Variants in AOX1 observed in about 807,000 individuals in gnomAD.
The protein encoded by AOX1 is aldehyde oxidase.
Under a neutral mutation model 169.5 loss-of-function variants are expected in AOX1, and 153 were observed. The observed-to-expected ratio is 0.90, with a 90% CI of 0.79 to 1.03. The LOEUF (loss-of-function observed/expected upper bound fraction) is 1.03, where lower values mean the gene tolerates loss of function less well. Ranked by LOEUF, AOX1 falls within the 50% of genes least tolerant of loss-of-function variation. AOX1 has a pLI of 0.00. For missense variants in AOX1, 1,656 were observed against 1,663.9 expected (o/e 1.00, Z 0.08); for synonymous variants, 562 against 581.9 (o/e 0.97, Z 0.49).
chr2:200,664,582 A>C (rs1015840993), intron 31 of AOX1, among the ~76,000 whole-genome samples: 1 of 152,252 alleles, frequency 6.6e-6, no homozygotes, highest in Non-Finnish European at 1.5e-5. Flanking sequence ...GCATGTTCCT[A>C]TAACTTATTT....
chr2:200,626,936 T>C (rs1574933668), intron 19 of AOX1, among the ~76,000 whole-genome samples: 1 of 152,244 alleles, frequency 6.6e-6, no homozygotes, highest in Non-Finnish European at 1.5e-5. Context: ...GGTGAAGTGA[T>C]AGGCCCACAG....
rs1330723281 is a variant in AOX1 at position 200,670,653 on chromosome 2, T to A, written c.3991T>A (p.Tyr1331Asn). 6.2e-7 allele frequency: 1 copy of A among 1,613,018 alleles called. No homozygotes were observed. The highest frequency in any genetic ancestry group is 8.5e-7 in the Non-Finnish European group (1 of 1,179,580). The change falls in exon 35 of 35, where the codon TAC becomes AAC. Residue 1331 changes from tyrosine (Y) to asparagine (N), a missense_variant. By Grantham distance (143) the Tyr-to-Asn change is moderately radical. Transcript: ENST00000374700. ...KMIPRDEPGSYVPWNVPI is the reference protein window; with the variant it reads ...KMIPRDEPGSNVPWNVPI ...GATTCCGAGAGATGAACCTGGATCC[T>A]ACGTTCCTTGGAATGTACCCATCTG...
intron 26 of AOX1, among the ~76,000 whole-genome samples, chr2:200,651,773 T>G (rs2035584481): frequency 6.6e-6 from 1 of 152,226 alleles, no homozygotes; most frequent in African/African-American, 2.4e-5. Flanking sequence ...GCAGTTTAAT[T>G]TCTTTCATTG....
chr2:200,623,682 T>C lies in AOX1; in HGVS notation c.2002-179T>C, dbSNP rs57880549. ...GCACAAGGATCTAAACTTCCCCCAGTGCCTCGGATCAGGAGGCCAGCTGTG... is the reference window on the plus strand; with the variant it reads ...GCACAAGGATCTAAACTTCCCCCAGCGCCTCGGATCAGGAGGCCAGCTGTG... On this transcript the variant is annotated intron_variant, in intron 18 of 34. Coordinates refer to ENST00000374700, the MANE Select transcript of AOX1 (RefSeq NM_001159.4). 2.6e-3 allele frequency among the ~76,000 whole-genome samples: 395 copies of C among 152,322 alleles called. 1 individual carries two copies. The highest frequency in any genetic ancestry group is 8.5e-3 in the African/African-American group (352 of 41,586).
At chr2:200,656,994 G>C (rs755814803) in intron 27 of AOX1, 57 bp downstream of exon 27, 24 of 1,188,098 alleles carry the variant, frequency 2.0e-5, no homozygotes, top group Non-Finnish European at 2.8e-5. Flanking sequence ...CTGTTCATGA[G>C]AGAAAAACTA....
intron 23 of AOX1, among the ~76,000 whole-genome samples, chr2:200,638,682 T>C (rs1457848210): frequency 6.6e-6 from 1 of 151,814 alleles, no homozygotes; most frequent in Admixed American, 6.6e-5. Context: ...GAAATTGCAA[T>C]TATTTGTAAA....
chr2:200,614,995 C>A (rs867797829), intron 15 of AOX1, among the ~76,000 whole-genome samples: 1 of 126,878 alleles, frequency 7.9e-6, no homozygotes, highest in Non-Finnish European at 1.7e-5. Flanking sequence ...AAAATAATAG[C>A]TTTTGTTGGT....
chr2:200,629,024 C>T (rs1005839582), intron 20 of AOX1, among the ~76,000 whole-genome samples: 1 of 152,206 alleles, frequency 6.6e-6, no homozygotes, highest in African/African-American at 2.4e-5. Context: ...TCCTAAGACA[C>T]ATCCCATCCT....
chr2:200,645,478 T>G (rs1007535521), intron 25 of AOX1, among the ~76,000 whole-genome samples: 1 of 152,198 alleles, frequency 6.6e-6, no homozygotes, highest in Non-Finnish European at 1.5e-5. Flanking sequence ...AGCTAGTATT[T>G]TGTTAAAGAT....
At chr2:200,666,832 G>C (rs2035932400) in intron 32 of AOX1, 80 bp downstream of exon 32, 1 of 931,166 alleles carries the variant, frequency 1.1e-6, no homozygotes, top group Admixed American at 2.3e-5. Flanking sequence ...CATTCCATCA[G>C]TCTTATTCAT....
At position 200,638,251 on chromosome 2, in the gene AOX1, A is replaced by T. The variant is rs770623489; in HGVS notation, c.2517A>T (p.Gly839=). The T allele has an allele frequency of 1.2e-6, 2 of 1,613,760 alleles. No individual in the cohort carries two copies. The highest frequency in any genetic ancestry group is 8.5e-7 in the Non-Finnish European group (1 of 1,179,726). The change falls in exon 23 of 35, where the codon GGA becomes GGT. Residue 839 remains glycine (G), a synonymous_variant. Transcript: ENST00000374700. ...GRAVRCVLER[G]EDMLITGGRH... is the part of the protein sequence containing the mutation. ...CAGTTCGCTGTGTTCTGGAACGAGG[A>T]GAAGACATGTTAATAACTGGAGGCC...
At chr2:200,610,824 C>G (rs921781009) in intron 12 of AOX1, among the ~76,000 whole-genome samples, 6 of 152,060 alleles carry the variant, frequency 3.9e-5, no homozygotes, top group African/African-American at 1.4e-4. Flanking sequence ...TCTGTGAGAT[C>G]TTTTCATCTA....
chr2:200,624,739 A>G (rs981917289), intron 19 of AOX1, among the ~76,000 whole-genome samples: 1 of 152,208 alleles, frequency 6.6e-6, no homozygotes, highest in African/African-American at 2.4e-5. Context: ...TATAAAGGCT[A>G]TAAGACTCAT....
At chr2:200,594,495 G>A (rs747770979) in intron 2 of AOX1, among the ~76,000 whole-genome samples, 2 of 152,178 alleles carry the variant, frequency 1.3e-5, no homozygotes, top group Non-Finnish European at 2.9e-5. Flanking sequence ...GAACCAAGCA[G>A]CACCTTCCTC....
intron 20 of AOX1, among the ~76,000 whole-genome samples, chr2:200,629,983 G>A (rs542787348): frequency 2.8e-4 from 43 of 152,138 alleles, no homozygotes; most frequent in Admixed American, 2.0e-3. Flanking sequence ...AGTAGCTCAC[G>A]TCTATAATCC....
chr2:200,657,395 G>T (rs796530121), intron 27 of AOX1, among the ~76,000 whole-genome samples: 12 of 151,618 alleles, frequency 7.9e-5, no homozygotes, highest in African/African-American at 2.7e-4. Context: ...TAGGAGATTT[G>T]AGCTTTGACA....
In AOX1 at chr2:200,659,990, T is replaced by C; in HGVS notation, c.3301-5T>C. ...GCATAATTTTAATTTAAAAATAATCTCTAGGATGCCTGTCAAACTCTTCTA... is the reference window on the plus strand; with the variant it reads ...GCATAATTTTAATTTAAAAATAATCCCTAGGATGCCTGTCAAACTCTTCTA... On this transcript the variant is annotated splice_region_variant and splice_polypyrimidine_tract_variant and intron_variant, in intron 28 of 34. Transcript: ENST00000374700. 3 of 1,609,112 alleles carry C rather than the reference T, an allele frequency of 1.9e-6. No individual in the cohort carries two copies. The highest frequency in any genetic ancestry group is 2.5e-6 in the Non-Finnish European group (3 of 1,176,826).
chr2:200,587,933 C>T (rs1186230094), intron 1 of AOX1, among the ~76,000 whole-genome samples: 2 of 152,236 alleles, frequency 1.3e-5, no homozygotes, highest in East Asian at 1.9e-4. Context: ...TTGTTAAGGG[C>T]CTACCGTATG....
At chr2:200,633,975 G>A (rs2035178025) in intron 20 of AOX1, among the ~76,000 whole-genome samples, 1 of 152,014 alleles carries the variant, frequency 6.6e-6, no homozygotes, top group African/African-American at 2.4e-5. Context: ...AGAGAGGCTG[G>A]GACACCTCAT....
Sources: allele counts gnomAD v4.1 joint callset (sites outside exome capture counted in the v4.1 genomes callset), GRCh38; gene constraint gnomAD v4.1.1; transcripts MANE v1.5; gene names NCBI Gene and HGNC (gene_info 2026-07-23, HGNC 2026-07-21).